The following NHSL1 variants were observed in gnomAD, a reference collection of about 807,000 sequenced individuals.
NHSL1 encodes the protein NHS like 1, also known as NHS-like protein 1.
A neutral mutation model predicts 95.0 loss-of-function variants in NHSL1; 48 were observed. That is an observed-to-expected ratio of 0.51 (90% CI 0.40 to 0.64). The LOEUF is 0.64. NHSL1 is among the 30% of genes least tolerant of loss of function. The pLI is 0.00. For synonymous variants in NHSL1, 783 were observed against 833.9 expected (o/e 0.94, Z 1.05); for missense variants, 1,971 against 2,077.7 (o/e 0.95, Z 1.00).
At chr6:138,446,451 T>C (rs1316456697) in intron 4 of NHSL1, among the ~76,000 whole-genome samples, 9 of 152,330 alleles carry the variant, frequency 5.9e-5, no homozygotes. Context: ...TAATATTCCA[T>C]AAGAACTTGA....
chr6:138,513,834 A>G (rs961469027), intron 1 of NHSL1, among the ~76,000 whole-genome samples: 13 of 152,094 alleles, frequency 8.5e-5, no homozygotes, highest in African/African-American at 3.1e-4. Context: ...TTCAATGACT[A>G]ATTTGTTTAA....
intron 1 of NHSL1, among the ~76,000 whole-genome samples, chr6:138,669,842 C>A (rs142531886): frequency 6.6e-6 from 1 of 152,076 alleles, no homozygotes; most frequent in Admixed American, 6.5e-5. Context: ...ACTGACAGGC[C>A]GGGTGCAGTG....
chr6:138,507,538 G>C (rs1781022567), intron 1 of NHSL1, among the ~76,000 whole-genome samples: 1 of 152,152 alleles, frequency 6.6e-6, no homozygotes. Context: ...AATAGACACT[G>C]GGTGTGATCT....
rs552131543 is a variant in NHSL1, at chr6:138,516,116, G to A, written c.17-19745C>T. 4.6e-5 allele frequency among the ~76,000 whole-genome samples: 7 copies of A among 152,300 alleles called. No homozygotes were observed. In the East Asian group the frequency reaches 5.8e-4, roughly 13 times the overall value. On this transcript the variant is annotated intron_variant, in intron 1 of 4. Coordinates refer to the NHSL1 transcript ENST00000342260. ...CTCATTTCCATGCTCCTGCGGCTTC[G>A]GCTGTTTCTGCTGCTAAGTCTGACT...
At chr6:138,629,675 G>T (rs749418018) in intron 1 of NHSL1, among the ~76,000 whole-genome samples, 6 of 152,168 alleles carry the variant, frequency 3.9e-5, no homozygotes, top group African/African-American at 7.2e-5. Context: ...GAGCCACCAC[G>T]CCCGGCCTTA....
intron 1 of NHSL1, among the ~76,000 whole-genome samples, chr6:138,680,240 G>A (rs1785496068): frequency 6.6e-6 from 1 of 152,074 alleles, no homozygotes; most frequent in Admixed American, 6.6e-5. Context: ...GTCTTAAACT[G>A]GCTAACCACT....
intron 7 of NHSL1, among the ~76,000 whole-genome samples, chr6:138,425,841 C>T (rs1304945402): frequency 6.7e-6 from 1 of 150,132 alleles, no homozygotes; most frequent in African/African-American, 2.4e-5. Context: ...ATCCAGCCTT[C>T]CAGAAAACAA....
intron 2 of NHSL1, among the ~76,000 whole-genome samples, chr6:138,480,394 C>T (rs147889506): frequency 2.0e-5 from 3 of 152,244 alleles, no homozygotes; most frequent in African/African-American, 7.2e-5. Flanking sequence ...TGAAAAAATC[C>T]ATATAAGTGG....
At chr6:138,439,512 A>G (rs574054949) in intron 5 of NHSL1, among the ~76,000 whole-genome samples, 46 of 152,388 alleles carry the variant, frequency 3.0e-4, no homozygotes, top group African/African-American at 1.1e-3. Context: ...AAGATCAACC[A>G]GAAGTCCTGA....
intron 1 of NHSL1, among the ~76,000 whole-genome samples, chr6:138,617,645 C>A (rs569416059): frequency 6.6e-6 from 1 of 152,292 alleles, no homozygotes; most frequent in South Asian, 2.1e-4. Context: ...GAGAACAATG[C>A]GCACGCAGAC....
chr6:138,458,411 A>G (rs1011815750), intron 3 of NHSL1, among the ~76,000 whole-genome samples: 12 of 152,110 alleles, frequency 7.9e-5, no homozygotes, highest in African/African-American at 2.9e-4. Flanking sequence ...GTAGCCTCAG[A>G]TCAAGACAAA....
chr6:138,645,082 A>G (rs1320829387), intron 1 of NHSL1, among the ~76,000 whole-genome samples: 1 of 152,234 alleles, frequency 6.6e-6, no homozygotes, highest in East Asian at 1.9e-4. Flanking sequence ...AAAAGACAAA[A>G]TAAGTGTTTC....
At chr6:138,442,184 C>T in intron 4 of NHSL1, 70 bp from the exon 5 acceptor site, 1 of 1,395,652 alleles carries the variant, frequency 7.2e-7, no homozygotes, top group South Asian at 1.5e-5. Flanking sequence ...CACTTTCTTC[C>T]AGAAGCTTGT....
chr6:138,627,859 C>T lies in NHSL1; in HGVS notation c.96+64617G>A, dbSNP rs145629670. Reference sequence around the variant, plus strand: ...TTGTGCCACTGCACTCCAGCCTGGGCGACAGAACAAGACTCCGTCTAAAAA... The same window carrying T: ...TTGTGCCACTGCACTCCAGCCTGGGTGACAGAACAAGACTCCGTCTAAAAA... On this transcript the variant is annotated intron_variant, in intron 1 of 3. Coordinates refer to the NHSL1 transcript ENST00000491526. Among the ~76,000 whole-genome samples the T allele has an allele frequency of 6.6e-5, 10 of 151,132 alleles. No individual in the cohort carries two copies. The East Asian group carries it at 9.8e-4, about 15-fold the overall frequency.
intron 1 of NHSL1, among the ~76,000 whole-genome samples, chr6:138,551,554 A>C (rs1272760151): frequency 2.6e-5 from 4 of 151,710 alleles, no homozygotes; most frequent in Non-Finnish European, 5.9e-5. Context: ...ATCATTCTCC[A>C]CTCCCCTACT....
At position 138,650,454 on chromosome 6, in the gene NHSL1, T is replaced by C. The variant is rs537679641; in HGVS notation, c.96+42022A>G. 1.6e-5 allele frequency: 18 copies of C among 1,129,888 alleles called. No homozygotes were observed. In the African/African-American group the frequency reaches 2.2e-4, roughly 14 times the overall value. 70.0% of individuals were successfully genotyped at this position (1,129,888 alleles called of 1,614,324 possible). A position where few individuals can be genotyped will look rare whatever the true frequency, so the allele number is the denominator to read the frequency against. On this transcript the variant is annotated intron_variant, in intron 1 of 3. Transcript: ENST00000491526. The stretch of plus-strand genomic sequence containing the variant: ...TGCAATCCCTGTCAAGCATTTGGTG[T>C]GGCTCCGGATGGCCAGGGCCTGGTG...
chr6:138,456,287 T>C (rs1318068998), intron 3 of NHSL1, among the ~76,000 whole-genome samples: 1 of 152,212 alleles, frequency 6.6e-6, no homozygotes, highest in East Asian at 1.9e-4. Context: ...GCCACTGAGC[T>C]CTGACAGGTG....
intron 1 of NHSL1, among the ~76,000 whole-genome samples, chr6:138,590,102 A>G (rs1311313512): frequency 6.6e-6 from 1 of 152,106 alleles, no homozygotes; most frequent in Non-Finnish European, 1.5e-5. Flanking sequence ...GGTTCAAGCG[A>G]TTCTCCTGCC....
At chr6:138,504,979 G>A (rs944682888) in intron 1 of NHSL1, among the ~76,000 whole-genome samples, 1 of 152,056 alleles carries the variant, frequency 6.6e-6, no homozygotes, top group Non-Finnish European at 1.5e-5. Flanking sequence ...ACTCTGTTAC[G>A]ACCCATGCTT....
Sources: gnomAD v4.1 joint callset for allele counts (sites outside exome capture counted in the v4.1 genomes callset) on GRCh38, gnomAD v4.1.1 for gene constraint, MANE v1.5 for transcripts, NCBI Gene and HGNC (gene_info 2026-07-23, HGNC 2026-07-21) for gene names.